MRE11: variants seen among roughly 807,000 people sequenced by gnomAD.
MRE11 encodes double-strand break repair protein MRE11.
A neutral mutation model predicts 91.7 loss-of-function variants in MRE11; 62 were observed. The observed-to-expected ratio is 0.68, with a 90% confidence interval of 0.55 to 0.84. MRE11 has a LOEUF of 0.84. Ranked by LOEUF, MRE11 falls within the 40% of genes least tolerant of loss-of-function variation. MRE11 has a pLI of 0.00. For missense variants in MRE11, 796 were observed against 852.9 expected (o/e 0.93, Z 0.83); for synonymous variants, 273 against 271.4 (o/e 1.01, Z -0.06).
At chr11:94,508,523 C>G in the MRE11 span, among the ~76,000 whole-genome samples, 1 of 152,200 alleles carries the variant, frequency 6.6e-6, no homozygotes, top group East Asian at 1.9e-4. Flanking sequence ...AAAGGAACAG[C>G]CCCTCACACA....
chr11:94,452,879 G>C (rs1487176871), intron 14 of MRE11, among the ~76,000 whole-genome samples: 1 of 151,972 alleles, frequency 6.6e-6, no homozygotes, highest in East Asian at 1.9e-4. Flanking sequence ...AGGTATAGTA[G>C]AGTGACATTA....
chr11:94,451,473 A>G (rs1485037337), intron 14 of MRE11, among the ~76,000 whole-genome samples: 1 of 152,210 alleles, frequency 6.6e-6, no homozygotes, highest in Non-Finnish European at 1.5e-5. Context: ...ACAGCTTCCA[A>G]ACTGTTTTCA....
chr11:94,469,473 A>C (rs966089754), intron 9 of MRE11, among the ~76,000 whole-genome samples: 2 of 152,178 alleles, frequency 1.3e-5, no homozygotes, highest in African/African-American at 4.8e-5. Context: ...GGCCTGGATC[A>C]ATCAATGCAA....
chr11:94,458,053 T>A (rs1270194815), intron 13 of MRE11, among the ~76,000 whole-genome samples: 1 of 152,088 alleles, frequency 6.6e-6, no homozygotes, highest in East Asian at 1.9e-4. Context: ...ATAGAGTGAA[T>A]GGTTTTAGAG....
chr11:94,504,184 G>A, the MRE11 span, among the ~76,000 whole-genome samples: 9 of 152,170 alleles, frequency 5.9e-5, no homozygotes, highest in Non-Finnish European at 1.0e-4. Flanking sequence ...TTTTGCAGGT[G>A]TACACAACTG....
rs1555017247 is a variant in MRE11, at chr11:94,486,030, T to C, written c.208A>G (p.Lys70Glu). The C allele has an allele frequency of 3.1e-6, 5 of 1,613,920 alleles. No homozygotes were observed. Among genetic ancestry groups the C allele is most frequent in the Non-Finnish European group, 2.5e-6 (3 of 1,179,918 alleles). Residue 70 changes from lysine to glutamate, a missense_variant, in exon 4 of 20, where the codon AAA (lysine) becomes GAA (glutamate). Coordinates refer to ENST00000323929, the MANE Select transcript of MRE11 (RefSeq NM_005591.4). ...DLFHENKPSRKTLHTCLELLR... is the reference protein window; with the variant it reads ...DLFHENKPSRETLHTCLELLR... Reference sequence around the variant, plus strand: ...AACTCGAGGCAGGTATGTAATGTTTTCCTTGAGGGCTTATTTTCATGAAAA... The same window carrying C: ...AACTCGAGGCAGGTATGTAATGTTTCCCTTGAGGGCTTATTTTCATGAAAA...
At position 94,479,791 on chromosome 11, in the gene MRE11, C is replaced by T. The variant is rs115810281; in HGVS notation, c.315-30G>A. 5.9e-4 allele frequency: 930 copies of T among 1,566,292 alleles called. 4 individuals are homozygous for T. In the African/African-American group the frequency reaches 0.011, roughly 18 times the overall value. On this transcript the variant is annotated intron_variant, in intron 4 of 19. Transcript: ENST00000323929. ...AAAAAAAAAAGTTACTTAAAATTTC[C>T]ATACGGGACAAAAGCTGTTTTCCCT... is the stretch of plus-strand genomic sequence containing the variant.
intron 11 of MRE11, among the ~76,000 whole-genome samples, chr11:94,462,210 T>G (rs1019771212): frequency 2.0e-5 from 3 of 152,098 alleles, no homozygotes; most frequent in African/African-American, 7.2e-5. Context: ...TACCTAGGAA[T>G]CCAATTTACA....
At chr11:94,501,299 C>T in the MRE11 span, among the ~76,000 whole-genome samples, 2 of 152,064 alleles carry the variant, frequency 1.3e-5, no homozygotes, top group Admixed American at 6.6e-5. Flanking sequence ...ACATGGGCCT[C>T]ATGTAATTTT....
chr11:94,490,352 G>A (rs1947254476), intron 3 of MRE11, among the ~76,000 whole-genome samples: 1 of 152,056 alleles, frequency 6.6e-6, no homozygotes, highest in Non-Finnish European at 1.5e-5. Flanking sequence ...TTCCTCCAAA[G>A]CCCAAGTTAA....
rs1318703478 is a variant in MRE11 at position 94,417,591 on chromosome 11, A to G, written c.*2534T>C. The G allele has an allele frequency of 4.3e-6, 1 of 232,924 alleles. No individual in the cohort carries two copies. Among genetic ancestry groups the G allele is most frequent in the Non-Finnish European group, 8.5e-6 (1 of 117,952 alleles). 14.4% of individuals were successfully genotyped at this position (232,924 alleles called of 1,614,324 possible). On this transcript the variant is annotated 3_prime_UTR_variant, in exon 20 of 20. Transcript: ENST00000323929. ...TGGCAGAAGCACCACCTTGTGGCAA[A>G]AGTAGGAGCTTTTAAATTACAGAAG...
chr11:94,431,333 T>C (rs1023617148), intron 18 of MRE11, among the ~76,000 whole-genome samples: 2 of 152,150 alleles, frequency 1.3e-5, no homozygotes, highest in Admixed American at 1.3e-4. Flanking sequence ...TGGCAGAGCT[T>C]AAATAGTTTA....
chr11:94,466,611 A>G, intron 10 of MRE11: 1 of 398,154 alleles, frequency 2.5e-6, no homozygotes, highest in Non-Finnish European at 5.3e-6. Context: ...GCGGTTGCTC[A>G]AGGTCATACA....
intron 6 of MRE11, among the ~76,000 whole-genome samples, chr11:94,477,556 G>T (rs963765251): frequency 6.6e-6 from 1 of 152,178 alleles, no homozygotes; most frequent in Non-Finnish European, 1.5e-5. Context: ...AAGTCTAGAA[G>T]TTAGAAGTGG....
intron 14 of MRE11, among the ~76,000 whole-genome samples, chr11:94,450,149 A>T (rs1387056978): frequency 6.6e-6 from 1 of 152,240 alleles, no homozygotes; most frequent in Non-Finnish European, 1.5e-5. Context: ...TAATGAATCA[A>T]ATGTTAAATA....
In MRE11 at chr11:94,490,828, C is replaced by T; in HGVS notation, c.153+5G>A. 1 of 1,613,590 alleles carries T rather than the reference C, an allele frequency of 6.2e-7. No individual in the cohort carries two copies. Among genetic ancestry groups the T allele is most frequent in the Non-Finnish European group, 8.5e-7 (1 of 1,179,720 alleles). ...AGATAGTGCACAAATACAAACCACACTCACTTCATTTTCCTGGGCAAGTCT... is the reference window on the plus strand; with the variant it reads ...AGATAGTGCACAAATACAAACCACATTCACTTCATTTTCCTGGGCAAGTCT... On this transcript the variant is annotated splice_donor_5th_base_variant and intron_variant, in intron 3 of 19. Transcript: ENST00000323929.
intron 14 of MRE11, among the ~76,000 whole-genome samples, chr11:94,455,617 G>T (rs1407853562): frequency 6.6e-6 from 1 of 152,140 alleles, no homozygotes; most frequent in Non-Finnish European, 1.5e-5. Context: ...ATTCAAACCT[G>T]CAATGAGACT....
chr11:94,496,574 T>G, upstream of MRE11: 1 of 902,198 alleles, frequency 1.1e-6, no homozygotes. Flanking sequence ...ATTATTGTTT[T>G]ACTAATAACT....
the MRE11 span, among the ~76,000 whole-genome samples, chr11:94,500,725 C>G: frequency 1.3e-5 from 2 of 152,094 alleles, no homozygotes; most frequent in African/African-American, 4.8e-5. Context: ...CTTAAATATG[C>G]TTTTCCAGGG....
Sources: gnomAD v4.1 joint callset for allele counts (sites outside exome capture counted in the v4.1 genomes callset) on GRCh38, gnomAD v4.1.1 for gene constraint, MANE v1.5 for transcripts, NCBI Gene and HGNC (gene_info 2026-07-23, HGNC 2026-07-21) for gene names.